Variants in SMYD3 observed in about 807,000 individuals in gnomAD.
The protein encoded by SMYD3 is histone-lysine N-methyltransferase SMYD3.
In SMYD3, 36 loss-of-function variants were observed where a neutral mutation model predicts 57.7. The observed-to-expected ratio is 0.62, with a 90% confidence interval of 0.48 to 0.82. The LOEUF (loss-of-function observed/expected upper bound fraction) is 0.82, where lower values mean the gene tolerates loss of function less well. Among genes scored for constraint, SMYD3 ranks in the 40% least tolerant of loss-of-function variants. The pLI is 0.00. For missense variants in SMYD3, 515 were observed against 538.8 expected (o/e 0.96, Z 0.44); for synonymous variants, 211 against 195.0 (o/e 1.08, Z -0.68).
Position 246,170,972 on chromosome 1 carries a change from T to C in SMYD3, c.531+156229A>G, listed in dbSNP as rs192319425. ...TTTTTCAAACAACCCTCTAATTTTTTTTAAACCAGAAGATTATTTTCTATG... is the reference window on the plus strand; with the variant it reads ...TTTTTCAAACAACCCTCTAATTTTTCTTAAACCAGAAGATTATTTTCTATG... On this transcript the variant is annotated intron_variant, in intron 5 of 11. Transcript: ENST00000490107. Among the ~76,000 whole-genome samples the C allele has an allele frequency of 1.6e-3, 247 of 152,346 alleles. 1 individual carries two copies. Among genetic ancestry groups the C allele is most frequent in the African/African-American group, 5.5e-3 (229 of 41,580 alleles).
intron 5 of SMYD3, among the ~76,000 whole-genome samples, chr1:246,233,274 A>G (rs1572250901): frequency 8.3e-6 from 1 of 120,726 alleles, no homozygotes; most frequent in Admixed American, 8.9e-5. Flanking sequence ...TGATGAATAT[A>G]TACCACACAG....
chr1:246,025,803 C>T (rs1422226296), intron 5 of SMYD3: 3 of 152,174 alleles, frequency 2.0e-5, no homozygotes, highest in Non-Finnish European at 4.4e-5. Flanking sequence ...TTTTCAGTGA[C>T]CTAAGGTGCT....
intron 5 of SMYD3, among the ~76,000 whole-genome samples, chr1:246,320,587 AT>A (rs1162037629): frequency 6.6e-6 from 1 of 152,200 alleles, no homozygotes; most frequent in Non-Finnish European, 1.5e-5. Context: ...TTTTTGAAAC[AT>A]TCTATGCAAC....
intron 2 of SMYD3, among the ~76,000 whole-genome samples, 168 bp from the exon 3 acceptor site, chr1:246,335,642 C>T (rs1158485470): frequency 6.6e-6 from 1 of 152,164 alleles, no homozygotes; most frequent in African/African-American, 2.4e-5. Context: ...CAGGATGAGT[C>T]TTTGCCAAAT....
chr1:245,963,187 G>C (rs1239031409), intron 5 of SMYD3, among the ~76,000 whole-genome samples: 5 of 151,938 alleles, frequency 3.3e-5, no homozygotes, highest in Admixed American at 3.3e-4. Flanking sequence ...AGATATATTA[G>C]CTTAATTTAA....
chr1:246,435,583 C>A (rs1471028627), intron 1 of SMYD3, among the ~76,000 whole-genome samples: 1 of 151,708 alleles, frequency 6.6e-6, no homozygotes, highest in Non-Finnish European at 1.5e-5. Flanking sequence ...ACAGTCAGGA[C>A]AAAGCCACTG....
intron 5 of SMYD3, among the ~76,000 whole-genome samples, chr1:246,051,516 A>G (rs1221542269): frequency 6.6e-6 from 1 of 152,150 alleles, no homozygotes; most frequent in Non-Finnish European, 1.5e-5. Flanking sequence ...GACTATTTAC[A>G]TTCAAATAAT....
chr1:245,881,330 A>G (rs1013505460), intron 8 of SMYD3, among the ~76,000 whole-genome samples: 34 of 152,316 alleles, frequency 2.2e-4, no homozygotes, highest in East Asian at 1.7e-3. Flanking sequence ...GGTGGTTTAC[A>G]TGTGAGTTTG....
chr1:246,376,609 A>C (rs2066283024), intron 1 of SMYD3, among the ~76,000 whole-genome samples: 1 of 151,000 alleles, frequency 6.6e-6, no homozygotes, highest in Admixed American at 6.6e-5. Flanking sequence ...AAAAAAAAAA[A>C]ACTAAACATA....
chr1:245,916,246 C>T (rs1218551900), intron 7 of SMYD3, among the ~76,000 whole-genome samples: 2 of 152,146 alleles, frequency 1.3e-5, no homozygotes, highest in African/African-American at 4.8e-5. Context: ...AAACTGACTG[C>T]CTTACACCCT....
In SMYD3 at chr1:245,813,860, CTATATATATATATATATATA is replaced by C. The variant is rs6143718; in HGVS notation, c.1076+44616_1076+44635del. 8.8e-3 allele frequency among the ~76,000 whole-genome samples: 1,294 copies of C among 147,012 alleles called. 21 individuals carry two copies. Among genetic ancestry groups the C allele is most frequent in the African/African-American group, 0.024 (915 of 38,188 alleles). ...GTCATTTAGGTTAATTCATGGAGCC[CTATATATATATATATATATA>C]TATATATATATATATATATATATAC... On this transcript the variant is annotated intron_variant, in intron 10 of 11. Transcript: ENST00000490107.
At chr1:245,902,921 G>A (rs1420148508) in intron 8 of SMYD3, among the ~76,000 whole-genome samples, 1 of 152,078 alleles carries the variant, frequency 6.6e-6, no homozygotes, top group Non-Finnish European at 1.5e-5. Flanking sequence ...ACAGACGTAA[G>A]GACACGAGAA....
At chr1:246,295,180 T>TC (rs1207212434) in intron 5 of SMYD3, among the ~76,000 whole-genome samples, 1 of 151,998 alleles carries the variant, frequency 6.6e-6, no homozygotes, top group Non-Finnish European at 1.5e-5. Context: ...CTAAGCAATC[T>TC]CCCCAAGCCC....
intron 5 of SMYD3, among the ~76,000 whole-genome samples, chr1:246,021,785 C>A (rs1201779217): frequency 6.6e-6 from 1 of 152,074 alleles, no homozygotes; most frequent in African/African-American, 2.4e-5. Flanking sequence ...CATTTTTCAG[C>A]AAATCAAAAC....
chr1:246,453,980 T>C (rs1299253206), intron 1 of SMYD3, among the ~76,000 whole-genome samples: 2 of 152,200 alleles, frequency 1.3e-5, no homozygotes, highest in Admixed American at 6.5e-5. Context: ...TATTCCACTT[T>C]AAGGCCTAAG....
intron 5 of SMYD3, among the ~76,000 whole-genome samples, chr1:246,178,277 G>A (rs2062468386): frequency 6.6e-6 from 1 of 152,118 alleles, no homozygotes; most frequent in Non-Finnish European, 1.5e-5. Flanking sequence ...TCACCTTCAA[G>A]AATTTGATGA....
chr1:246,297,279 A>G (rs1419867100), intron 5 of SMYD3, among the ~76,000 whole-genome samples: 1 of 152,216 alleles, frequency 6.6e-6, no homozygotes. Context: ...AAGTCATAAA[A>G]GAGGAGTTTC....
chr1:246,175,500 A>C (rs907339979), intron 5 of SMYD3, among the ~76,000 whole-genome samples: 2 of 152,190 alleles, frequency 1.3e-5, no homozygotes, highest in African/African-American at 4.8e-5. Flanking sequence ...TCCCTCTACC[A>C]CCTGAGGATT....
chr1:245,923,783 T>C (rs138969889), intron 7 of SMYD3, among the ~76,000 whole-genome samples: 42 of 152,340 alleles, frequency 2.8e-4, no homozygotes, highest in African/African-American at 9.4e-4. Context: ...AATTCTATTA[T>C]TGTTTTCTGT....
Sources: gnomAD v4.1 joint callset for allele counts (sites outside exome capture counted in the v4.1 genomes callset) on GRCh38, gnomAD v4.1.1 for gene constraint, MANE v1.5 for transcripts, NCBI Gene and HGNC (gene_info 2026-07-23, HGNC 2026-07-21) for gene names.